Variants in DRC11 observed in about 807,000 individuals in gnomAD.
DRC11 encodes IQ and AAA domain-containing protein 1.
the DRC11 span, chr2:236,419,253 C>T: frequency 6.5e-7 from 1 of 1,536,588 alleles, no homozygotes; most frequent in Non-Finnish European, 8.7e-7. The surrounding 1 kb of genome is among the most constrained non-coding windows in gnomAD (Gnocchi z 4.8). Context: ...TCTTGGTTTG[C>T]TATGATATCC....
the DRC11 span, among the ~76,000 whole-genome samples, chr2:236,337,453 C>G: frequency 2.2e-4 from 33 of 152,346 alleles, no homozygotes; most frequent in South Asian, 2.9e-3. The surrounding 1 kb of genome is among the most constrained non-coding windows in gnomAD (Gnocchi z 4.9). Context: ...GGGCCAGGTG[C>G]TCTGCTAACA....
the DRC11 span, among the ~76,000 whole-genome samples, chr2:236,454,507 T>C: frequency 6.6e-6 from 1 of 152,252 alleles, no homozygotes; most frequent in Non-Finnish European, 1.5e-5. The surrounding 1 kb of genome is among the most constrained non-coding windows in gnomAD (Gnocchi z 5.3). Context: ...CAGCTGCTTC[T>C]GAGAATTTAC....
At chr2:236,433,681 T>A in the DRC11 span, among the ~76,000 whole-genome samples, 1 of 152,232 alleles carries the variant, frequency 6.6e-6, no homozygotes, top group African/African-American at 2.4e-5. Flanking sequence ...TTCTCTTTGC[T>A]TTTCTAAGTA....
At chr2:236,370,775 C>T in the DRC11 span, among the ~76,000 whole-genome samples, 1 of 112,432 alleles carries the variant, frequency 8.9e-6, no homozygotes, top group Non-Finnish European at 1.8e-5. The surrounding 1 kb of genome is among the most constrained non-coding windows in gnomAD (Gnocchi z 5.5). Context: ...GCAGGGTGGC[C>T]ATGCAGGGGT....
the DRC11 span, among the ~76,000 whole-genome samples, chr2:236,407,461 G>A: frequency 6.6e-6 from 1 of 152,042 alleles, no homozygotes. Flanking sequence ...GCTCTCCTGG[G>A]GCCCCCTCTT....
At chr2:236,419,331 T>A in the DRC11 span, 1 of 1,494,742 alleles carries the variant, frequency 6.7e-7, no homozygotes, top group African/African-American at 1.4e-5. This position sits in a 1 kb window ranked among gnomAD's most constrained non-coding sequence, Gnocchi z 4.8. Flanking sequence ...GAAGGACTGT[T>A]TTCCCTGTCT....
At chr2:236,467,731 G>A in the DRC11 span, among the ~76,000 whole-genome samples, 1 of 152,216 alleles carries the variant, frequency 6.6e-6, no homozygotes, top group African/African-American at 2.4e-5. Context: ...CAAGAATATG[G>A]CAACATTCAA....
the DRC11 span, chr2:236,507,446 G>C: frequency 3.2e-5 from 21 of 646,866 alleles, no homozygotes; most frequent in Non-Finnish European, 5.4e-6. Context: ...AAAAGGTGAG[G>C]CCGGGTTTGC....
At chr2:236,443,931 A>G in the DRC11 span, among the ~76,000 whole-genome samples, 30,360 of 151,104 alleles carry the variant, frequency 0.2, 3,291 homozygotes, top group Middle Eastern at 0.29. This position sits in a 1 kb window ranked among gnomAD's most constrained non-coding sequence, Gnocchi z 4.4. Flanking sequence ...CATTTCTCCA[A>G]TGATCAGTGA....
the DRC11 span, among the ~76,000 whole-genome samples, chr2:236,358,065 AAT>A: frequency 8.3e-6 from 1 of 120,180 alleles, no homozygotes; most frequent in Admixed American, 9.7e-5. Flanking sequence ...ATATTATATG[AAT>A]ATATATTTAT....
chr2:236,418,522 T>C, the DRC11 span, among the ~76,000 whole-genome samples: 1 of 152,226 alleles, frequency 6.6e-6, no homozygotes, highest in Non-Finnish European at 1.5e-5. Flanking sequence ...ATAGAAAGTG[T>C]TTATGCTGAA....
chr2:236,331,552 C>T, the DRC11 span: 28 of 1,613,852 alleles, frequency 1.7e-5, no homozygotes, highest in Non-Finnish European at 2.3e-5. This position sits in a 1 kb window ranked among gnomAD's most constrained non-coding sequence, Gnocchi z 4.8. Flanking sequence ...ATTCAAGGCA[C>T]TGGTGAGGAC....
chr2:236,415,133 T>TCTAGTTAGTTCCATTTAAAGAG, the DRC11 span, among the ~76,000 whole-genome samples: 10 of 152,274 alleles, frequency 6.6e-5, no homozygotes, highest in Admixed American at 3.3e-4. This position sits in a 1 kb window ranked among gnomAD's most constrained non-coding sequence, Gnocchi z 5.7. Flanking sequence ...TTAGTTGAAA[T>TCTAGTTAGTTCCATTTAAAGAG]ATTCAGATAG....
At chr2:236,390,260 G>A in the DRC11 span, among the ~76,000 whole-genome samples, 2 of 151,966 alleles carry the variant, frequency 1.3e-5, no homozygotes, top group African/African-American at 2.4e-5. This position sits in a 1 kb window ranked among gnomAD's most constrained non-coding sequence, Gnocchi z 5.9. Flanking sequence ...TTGATTTGAC[G>A]TCTATTTTGT....
chr2:236,405,966 TG>T, the DRC11 span, among the ~76,000 whole-genome samples: 3 of 152,208 alleles, frequency 2.0e-5, no homozygotes, highest in Non-Finnish European at 4.4e-5. This position sits in a 1 kb window ranked among gnomAD's most constrained non-coding sequence, Gnocchi z 4.6. Flanking sequence ...CGTGGGTAAC[TG>T]GAACTGCGAA....
chr2:236,419,912 C>T, the DRC11 span, among the ~76,000 whole-genome samples: 2 of 152,326 alleles, frequency 1.3e-5, no homozygotes, highest in South Asian at 2.1e-4. The surrounding 1 kb of genome is among the most constrained non-coding windows in gnomAD (Gnocchi z 4.8). Flanking sequence ...TGAGCACTCA[C>T]TCACTGCCAT....
At chr2:236,357,363 TATAA>T in the DRC11 span, among the ~76,000 whole-genome samples, 5 of 118,056 alleles carry the variant, frequency 4.2e-5, no homozygotes, top group African/African-American at 7.3e-5. Flanking sequence ...GTATATATAT[TATAA>T]ATATATTTAT....
the DRC11 span, among the ~76,000 whole-genome samples, chr2:236,464,623 TCCAA>T: frequency 1.3e-5 from 2 of 152,176 alleles, no homozygotes; most frequent in Non-Finnish European, 2.9e-5. Flanking sequence ...GAGCCTTGTC[TCCAA>T]AACTACCTAT....
chr2:236,473,985 T>G, the DRC11 span, among the ~76,000 whole-genome samples: 1 of 152,110 alleles, frequency 6.6e-6, no homozygotes, highest in East Asian at 1.9e-4. This position sits in a 1 kb window ranked among gnomAD's most constrained non-coding sequence, Gnocchi z 4.8. Context: ...CAAAATGAAA[T>G]CATAAAAAAT....
Sources: gnomAD v4.1 joint callset for allele counts (sites outside exome capture counted in the v4.1 genomes callset) on GRCh38, gnomAD v4.1.1 for gene constraint, Gnocchi (gnomAD v3.1) non-coding constraint, MANE v1.5 for transcripts, NCBI Gene and HGNC (gene_info 2026-07-23, HGNC 2026-07-21) for gene names.